Variants in CMTM2 observed in about 807,000 individuals in gnomAD.
The protein encoded by CMTM2 is CKLF like MARVEL transmembrane domain containing 2.
CMTM2 carries 15 observed loss-of-function variants against 16.8 expected under a neutral mutation model. The ratio of observed to expected loss-of-function variants is 0.89; its 90% CI spans 0.60 to 1.37. The LOEUF (loss-of-function observed/expected upper bound fraction) is 1.37. CMTM2 is among the 40% of genes most tolerant of loss of function. The pLI, the probability that CMTM2 is intolerant of heterozygous loss-of-function variation, is 0.00. For synonymous variants in CMTM2, 117 were observed against 118.7 expected (o/e 0.99, Z 0.09); for missense variants, 282 against 318.0 (o/e 0.89, Z 0.86).
chr16:66,580,318 A>G (rs1365810520), intron 2 of CMTM2, 134 bp downstream of exon 2: 14 of 945,998 alleles, frequency 1.5e-5, no homozygotes, highest in Non-Finnish European at 2.1e-5. Context: ...TCAGAACATC[A>G]GTGGGGCCCA....
intron 2 of CMTM2, chr16:66,580,507 TG>T: frequency 6.5e-6 from 2 of 308,542 alleles, no homozygotes; most frequent in Non-Finnish European, 1.2e-5. Flanking sequence ...CGAACTCCTG[TG>T]CCAGCTCACA....
chr16:66,585,378 G>A (rs771021843), intron 2 of CMTM2, among the ~76,000 whole-genome samples: 5 of 152,172 alleles, frequency 3.3e-5, no homozygotes, highest in South Asian at 2.1e-4. Context: ...GTCTCATTTC[G>A]TTCATTCATA....
At chr16:66,585,977 G>A (rs1378580135) in intron 2 of CMTM2, among the ~76,000 whole-genome samples, 1 of 152,216 alleles carries the variant, frequency 6.6e-6, no homozygotes, top group East Asian at 1.9e-4. Flanking sequence ...AGAAATGCGG[G>A]AGGAAGCCAG....
At position 66,587,561 on chromosome 16, in the gene CMTM2, G is replaced by GA. The variant is rs58658105; in HGVS notation, c.547-345dup. On this transcript the variant is annotated intron_variant, in intron 3 of 3. Coordinates refer to ENST00000268595, the MANE Select transcript of CMTM2 (RefSeq NM_144673.3). ...GACGGAGCGAGACTTCGTCTCAAAG[G>GA]AAAAAAAAAAAAAGTAAAGTAGACA... Among the ~76,000 whole-genome samples the GA allele has an allele frequency of 6.4e-3, 893 of 138,912 alleles. 7 individuals are homozygous for GA. Among genetic ancestry groups the GA allele is most frequent in the Middle Eastern group, 0.011 (3 of 284 alleles). The allele number at this position is 138,912 out of a possible 152,430, so 91.1% of individuals were successfully genotyped here.
In CMTM2 at chr16:66,580,000, G is replaced by C. The variant is rs1162410290; in HGVS notation, c.286-26G>C. ...AGATGGTGAAAGGCCCTTGCTGCTG[G>C]CTCAGGTGTCTATGTCTCACTGCAG... On this transcript the variant is annotated intron_variant, in intron 1 of 3. Transcript: ENST00000268595. This position sits in a 1 kb window ranked among gnomAD's most constrained non-coding sequence, Gnocchi z 6.5. 6.2e-7 allele frequency: 1 copy of C among 1,613,994 alleles called. No individual in the cohort carries two copies. Among genetic ancestry groups the C allele is most frequent in the Admixed American group, 1.7e-5 (1 of 60,020 alleles).
chr16:66,587,802 T>C, intron 3 of CMTM2, 117 bp from the exon 4 acceptor site: 1 of 1,012,466 alleles, frequency 9.9e-7, no homozygotes, highest in Non-Finnish European at 1.5e-6. Flanking sequence ...TGGTTGACAT[T>C]TGAGGGGACA....
chr16:66,588,226 T>C lies in CMTM2; in HGVS notation c.*107T>C. ...GAATGGTTTTCTTTTCCATTTTCAT[T>C]ACCACCTTTGCTTGGAAAAGAATGG... On this transcript the variant is annotated 3_prime_UTR_variant, in exon 4 of 4. Coordinates refer to ENST00000268595, the MANE Select transcript of CMTM2 (RefSeq NM_144673.3). 1 of 1,001,176 alleles carries C rather than the reference T, an allele frequency of 1.0e-6. No homozygotes were observed. Among genetic ancestry groups the C allele is most frequent in the Non-Finnish European group, 1.5e-6 (1 of 675,750 alleles). 62.0% of individuals were successfully genotyped at this position (1,001,176 alleles called of 1,614,324 possible). A position where few individuals can be genotyped will look rare whatever the true frequency, so the allele number is the denominator to read the frequency against.
chr16:66,587,866 T>C, intron 3 of CMTM2, 53 bp from the exon 4 acceptor site: 1 of 1,584,652 alleles, frequency 6.3e-7, no homozygotes, highest in Non-Finnish European at 8.6e-7. Context: ...GGAGGGAAAC[T>C]CACCACCTTT....
In CMTM2 at chr16:66,586,829, G is replaced by A. The variant is rs374287616; in HGVS notation, c.445-168G>A. On this transcript the variant is annotated intron_variant, in intron 2 of 3. Transcript: ENST00000268595. ...TTCAATTTAAAAAGCCCAGCTGGAG[G>A]GCCACAGATATGTCCACCTAGCCCG... The A allele has an allele frequency of 6.0e-5, 35 of 587,018 alleles. No individual in the cohort carries two copies. The East Asian group carries it at 6.8e-4, about 11-fold the overall frequency. 36.4% of individuals were successfully genotyped at this position (587,018 alleles called of 1,614,324 possible). A position where few individuals can be genotyped will look rare whatever the true frequency, so the allele number is the denominator to read the frequency against.
At chr16:66,583,612 A>C (rs537022911) in intron 2 of CMTM2, among the ~76,000 whole-genome samples, 1 of 152,238 alleles carries the variant, frequency 6.6e-6, no homozygotes, top group Non-Finnish European at 1.5e-5. Flanking sequence ...AGACTTTAGT[A>C]ATGGACATCA....
chr16:66,587,842 T>C, intron 3 of CMTM2, 77 bp from the exon 4 acceptor site: 2 of 1,451,998 alleles, frequency 1.4e-6, no homozygotes, highest in South Asian at 1.2e-5. Flanking sequence ...CACCCCCTGA[T>C]GAATGAGAAA....
chr16:66,581,646 T>G (rs1471220735), intron 2 of CMTM2, among the ~76,000 whole-genome samples: 1 of 152,176 alleles, frequency 6.6e-6, no homozygotes, highest in Non-Finnish European at 1.5e-5. Flanking sequence ...CTGGAAAGAC[T>G]ACCTCCTTAG....
At chr16:66,586,051 G>A (rs1391350492) in intron 2 of CMTM2, among the ~76,000 whole-genome samples, 1 of 152,196 alleles carries the variant, frequency 6.6e-6, no homozygotes, top group Non-Finnish European at 1.5e-5. Flanking sequence ...CTAGCAGGAG[G>A]GAAATGCGTA....
chr16:66,580,527 G>A (rs995803371), intron 2 of CMTM2: 1 of 278,694 alleles, frequency 3.6e-6, no homozygotes, highest in Non-Finnish European at 6.8e-6. Flanking sequence ...CACTTGACAG[G>A]AGATCACCCC....
rs1289165510 is a variant in CMTM2 at position 66,580,108 on chromosome 16, C to G, written c.368C>G (p.Ser123Cys). The G allele has an allele frequency of 1.9e-6, 3 of 1,614,066 alleles. No individual in the cohort carries two copies. The Admixed American group carries it at 5.0e-5, about 27-fold the overall frequency. ...ILRLIITMEISFFSFFILLYS... is the reference protein window; with the variant it reads ...ILRLIITMEICFFSFFILLYS... ...AGGCTTATCATCACCATGGAGATAT[C>G]CTTCTTCAGCTTCTTCATCTTACTG... Residue 123 changes from serine to cysteine, a missense_variant, in exon 2 of 4, where the codon TCC becomes TGC. Transcript: ENST00000268595.
intron 2 of CMTM2, among the ~76,000 whole-genome samples, chr16:66,584,979 T>C (rs1173506548): frequency 6.7e-6 from 1 of 148,290 alleles, no homozygotes; most frequent in Non-Finnish European, 1.5e-5. Context: ...GGAGTTTTGC[T>C]CTTGTTGCCC....
At chr16:66,587,561 GAA>G (rs58658105) in intron 3 of CMTM2, among the ~76,000 whole-genome samples, 2 of 139,054 alleles carry the variant, frequency 1.4e-5, no homozygotes, top group Non-Finnish European at 1.6e-5. Context: ...CGTCTCAAAG[GAA>G]AAAAAAAAAA....
At chr16:66,583,198 T>C (rs1016007062) in intron 2 of CMTM2, among the ~76,000 whole-genome samples, 6 of 152,104 alleles carry the variant, frequency 3.9e-5, no homozygotes, top group South Asian at 2.1e-4. Flanking sequence ...ATGAGAAACA[T>C]AGGATTTTTT....
Position 66,579,911 on chromosome 16 carries a change from C to A in CMTM2, c.285+19C>A. ...GAGTTTGGTGAGCTAAACTGGTATC[C>A]CTGGGTGGGGGGCCTTGGCCGAGGG... On this transcript the variant is annotated intron_variant, in intron 1 of 3. Coordinates refer to ENST00000268595, the MANE Select transcript of CMTM2 (RefSeq NM_144673.3). This position sits in a 1 kb window ranked among gnomAD's most constrained non-coding sequence, Gnocchi z 6.5. 6.2e-7 allele frequency: 1 copy of A among 1,608,014 alleles called. No homozygotes were observed. Among genetic ancestry groups the A allele is most frequent in the Non-Finnish European group, 8.5e-7 (1 of 1,175,988 alleles).
Sources: allele counts gnomAD v4.1 joint callset (sites outside exome capture counted in the v4.1 genomes callset), GRCh38; gene constraint gnomAD v4.1.1; non-coding constraint Gnocchi (gnomAD v3.1); transcripts MANE v1.5; gene names NCBI Gene and HGNC (gene_info 2026-07-23, HGNC 2026-07-21).